The following PTPRK variants were observed in gnomAD, a reference collection of about 807,000 sequenced individuals.
PTPRK encodes receptor-type tyrosine-protein phosphatase kappa.
Under a neutral mutation model 178.0 loss-of-function variants are expected in PTPRK, and 75 were observed. The ratio of observed to expected loss-of-function variants is 0.42; its 90% confidence interval spans 0.35 to 0.51. The LOEUF (loss-of-function observed/expected upper bound fraction) is 0.51. Among genes scored for constraint, PTPRK ranks in the 20% least tolerant of loss-of-function variants. The probability of loss-of-function intolerance (pLI) is 0.02; values close to 1 mark genes in which losing one functional copy is unlikely to be tolerated. For missense variants in PTPRK, 1,441 were observed against 1,797.8 expected, an observed-to-expected ratio of 0.80 and a Z score of 3.59; for synonymous variants, 637 against 620.6, an observed-to-expected ratio of 1.03 and a Z score of -0.39.
intron 1 of PTPRK, among the ~76,000 whole-genome samples, chr6:128,480,871 A>T (rs535151637): frequency 1.2e-4 from 19 of 152,280 alleles, no homozygotes; most frequent in African/African-American, 4.6e-4. Flanking sequence ...CTAAAATCTT[A>T]CACTGTACTA....
At chr6:128,129,882 C>T (rs1413917440) in intron 7 of PTPRK, among the ~76,000 whole-genome samples, 1 of 152,022 alleles carries the variant, frequency 6.6e-6, no homozygotes, top group Non-Finnish European at 1.5e-5. Context: ...CTTGCTTAGG[C>T]TGAAAGGAAA....
At chr6:127,974,802 T>A (rs1774339635) in intron 27 of PTPRK, among the ~76,000 whole-genome samples, 1 of 152,216 alleles carries the variant, frequency 6.6e-6, no homozygotes, top group Non-Finnish European at 1.5e-5. Flanking sequence ...AAAGATTCCT[T>A]AAGTACACGG....
intron 1 of PTPRK, among the ~76,000 whole-genome samples, chr6:128,441,194 T>G (rs1296141285): frequency 6.6e-6 from 1 of 152,222 alleles, no homozygotes; most frequent in East Asian, 1.9e-4. Context: ...AGGTTTATAT[T>G]TCCTTTTCTG....
intron 7 of PTPRK, among the ~76,000 whole-genome samples, chr6:128,168,652 C>T (rs1799764313): frequency 6.6e-6 from 1 of 152,054 alleles, no homozygotes. Context: ...AGGTTGTGTG[C>T]TCCTTATGAG....
intron 2 of PTPRK, among the ~76,000 whole-genome samples, chr6:128,332,705 C>T (rs1830436036): frequency 6.6e-6 from 1 of 152,164 alleles, no homozygotes; most frequent in Non-Finnish European, 1.5e-5. Flanking sequence ...CTTTCTTAAC[C>T]CTTCCCTTCA....
intron 3 of PTPRK, among the ~76,000 whole-genome samples, chr6:128,286,008 G>A (rs1472286141): frequency 6.6e-6 from 1 of 152,026 alleles, no homozygotes; most frequent in Non-Finnish European, 1.5e-5. Context: ...ATCCCTTTCT[G>A]TACGGGACCC....
At chr6:128,069,014 A>G (rs1461336197) in intron 11 of PTPRK, among the ~76,000 whole-genome samples, 1 of 151,992 alleles carries the variant, frequency 6.6e-6, no homozygotes, top group Non-Finnish European at 1.5e-5. Context: ...ACATGCATCT[A>G]TGAAAATTAA....
intron 7 of PTPRK, among the ~76,000 whole-genome samples, chr6:128,129,805 C>G (rs981168751): frequency 6.6e-6 from 1 of 152,104 alleles, no homozygotes; most frequent in Admixed American, 6.6e-5. Flanking sequence ...TCCCTACTCC[C>G]ATTTTGTATA....
At chr6:128,334,105 G>A (rs765429964) in intron 2 of PTPRK, among the ~76,000 whole-genome samples, 7 of 152,154 alleles carry the variant, frequency 4.6e-5, no homozygotes, top group Non-Finnish European at 7.4e-5. Context: ...GGAGCTGTTC[G>A]TGGTGCATGA....
chr6:127,995,990 ATTC>A (rs1167426264), intron 17 of PTPRK, among the ~76,000 whole-genome samples: 1 of 152,130 alleles, frequency 6.6e-6, no homozygotes, highest in Non-Finnish European at 1.5e-5. Flanking sequence ...ATTTTGAGCT[ATTC>A]ATAAGATACT....
intron 1 of PTPRK, among the ~76,000 whole-genome samples, chr6:128,461,178 T>C (rs907749467): frequency 6.6e-6 from 1 of 152,174 alleles, no homozygotes; most frequent in African/African-American, 2.4e-5. Context: ...TATACATTTG[T>C]AGTATAGATA....
chr6:127,981,580 C>T lies in PTPRK; in HGVS notation c.3538-291G>A, dbSNP rs146980968. Among the ~76,000 whole-genome samples the T allele has an allele frequency of 2.8e-4, 42 of 152,228 alleles. No individual in the cohort carries two copies. In the East Asian group the frequency reaches 7.7e-3, roughly 28 times the overall value. On this transcript the variant is annotated intron_variant, in intron 24 of 29. Coordinates refer to ENST00000368226, the MANE Select transcript of PTPRK (RefSeq NM_002844.4). ...TTGCCTTAACCAAAGAAAATGCAAT[C>T]GGGCAGTCCATTATGATAATGACCC...
chr6:128,041,714 G>T (rs768154911), intron 13 of PTPRK, among the ~76,000 whole-genome samples: 5 of 151,622 alleles, frequency 3.3e-5, no homozygotes, highest in Non-Finnish European at 5.9e-5. Flanking sequence ...ACATATAGAT[G>T]ATAATATCAA....
At chr6:128,512,593 T>C (rs867354951) in intron 1 of PTPRK, among the ~76,000 whole-genome samples, 2 of 152,330 alleles carry the variant, frequency 1.3e-5, no homozygotes, top group Middle Eastern at 3.4e-3. Flanking sequence ...GGCTCATTAA[T>C]AAGAAGGCAA....
chr6:128,252,660 G>A (rs553908670), intron 3 of PTPRK, among the ~76,000 whole-genome samples: 40 of 152,182 alleles, frequency 2.6e-4, no homozygotes, highest in Admixed American at 2.2e-3. Context: ...AGACCCTCAA[G>A]GTAAGACAGA....
At chr6:128,151,349 G>A (rs183790046) in intron 7 of PTPRK, among the ~76,000 whole-genome samples, 4 of 152,040 alleles carry the variant, frequency 2.6e-5, no homozygotes, top group African/African-American at 9.7e-5. Flanking sequence ...AAGGGTAGGA[G>A]AGAAAGGGGG....
At chr6:128,117,321 C>CCTATGTTAGT (rs145058222) in intron 7 of PTPRK, among the ~76,000 whole-genome samples, 11,045 of 152,044 alleles carry the variant, frequency 0.073, 534 homozygotes, top group South Asian at 0.17. Context: ...AAAGCATTTT[C>CCTATGTTAGT]CTATGTTAGT....
chr6:128,218,979 C>T lies in PTPRK; in HGVS notation c.811G>A (p.Val271Ile). Residue 271 changes from valine to isoleucine, a missense_variant, in exon 6 of 30, where the codon GTA becomes ATA. Physicochemically the swap from Val to Ile is conservative, Grantham distance 29. Around this residue, in one of 4 missense-constraint regions of PTPRK, gnomAD observed 945 missense variants for 1,080.6 expected, o/e 0.87. Coordinates refer to ENST00000368226, the MANE Select transcript of PTPRK (RefSeq NM_002844.4). ...CCGGAACCTCGTTCTGACTGAGTTA[C>T]ACAGCGATACAAATCCTGGTCAGTT... ...TKTDQDLYRC[V>I]TQSERGSGVS... The T allele has an allele frequency of 6.2e-7, 1 of 1,614,066 alleles. No homozygotes were observed.
chr6:127,988,848 TC>T (rs1776267422), intron 21 of PTPRK, among the ~76,000 whole-genome samples: 1 of 152,020 alleles, frequency 6.6e-6, no homozygotes, highest in Non-Finnish European at 1.5e-5. Context: ...TTTGTTCTAT[TC>T]TACTTTTTCT....
Sources: gnomAD v4.1 joint callset for allele counts (sites outside exome capture counted in the v4.1 genomes callset) on GRCh38, gnomAD v4.1.1 for gene constraint, gnomAD v4.1.1 regional missense constraint, MANE v1.5 for transcripts, NCBI Gene and HGNC (gene_info 2026-07-23, HGNC 2026-07-21) for gene names.